The following ROBO1 variants were observed in gnomAD, a reference collection of about 807,000 sequenced individuals.
The protein encoded by ROBO1 is roundabout homolog 1.
In ROBO1, 149 loss-of-function variants were observed where a neutral mutation model predicts 195.9. The observed-to-expected ratio is 0.76, with a 90% CI of 0.67 to 0.87. The LOEUF (loss-of-function observed/expected upper bound fraction) is 0.87, where lower values mean the gene tolerates loss of function less well. Among genes scored for constraint, ROBO1 ranks in the 40% least tolerant of loss-of-function variants. The pLI, the probability that ROBO1 is intolerant of heterozygous loss-of-function variation, is 0.00. For missense variants in ROBO1, 1,933 were observed against 2,068.3 expected (o/e 0.93, Z 1.27); for synonymous variants, 816 against 733.2 (o/e 1.11, Z -1.82).
chr3:79,133,540 C>T lies in ROBO1; in HGVS notation c.89-8001G>A, dbSNP rs1306897318. Among the ~76,000 whole-genome samples, 258 of 70,532 alleles carry T rather than the reference C, an allele frequency of 3.7e-3. 2 individuals are homozygous for T. The highest frequency in any genetic ancestry group is 0.014 in the African/African-American group (245 of 17,242). The allele number at this position is 70,532 out of a possible 152,430, so 46.3% of individuals were successfully genotyped here. On this transcript the variant is annotated intron_variant, in intron 2 of 30. Transcript: ENST00000464233. The stretch of plus-strand genomic sequence containing the variant: ...GCCTTGGTTTTCAGCTCCATCAGCT[C>T]CTTTAAGCACTTCTCTGTATTGGTT...
chr3:79,403,197 C>CT, intron 2 of ROBO1, among the ~76,000 whole-genome samples: 1 of 151,860 alleles, frequency 6.6e-6, no homozygotes, highest in Non-Finnish European at 1.5e-5. Context: ...ATGCTAGTAA[C>CT]TTTTTGGATT....
At chr3:79,727,417 G>A (rs2107331668) in intron 1 of ROBO1, among the ~76,000 whole-genome samples, 1 of 152,142 alleles carries the variant, frequency 6.6e-6, no homozygotes, top group African/African-American at 2.4e-5. Flanking sequence ...CATAAACAAG[G>A]TTTTAATTTA....
intron 1 of ROBO1, among the ~76,000 whole-genome samples, chr3:79,758,788 G>A (rs56183635): frequency 0.17 from 26,215 of 152,050 alleles, 2,295 homozygotes; most frequent in East Asian, 0.25. Context: ...TAGGAAAGTA[G>A]CCTGGAGTCT....
chr3:79,606,525 G>A (rs368222962), intron 1 of ROBO1, among the ~76,000 whole-genome samples: 2 of 151,874 alleles, frequency 1.3e-5, no homozygotes, highest in Non-Finnish European at 2.9e-5. Flanking sequence ...TGATTCTCCT[G>A]CCTCAGCCTT....
intron 2 of ROBO1, among the ~76,000 whole-genome samples, chr3:79,484,335 C>T (rs1022910864): frequency 9.2e-5 from 14 of 152,038 alleles, no homozygotes; most frequent in East Asian, 3.9e-4. Flanking sequence ...CAGAACCCTG[C>T]GGAAAAATTC....
At chr3:79,515,370 T>C (rs1238448732) in intron 2 of ROBO1, among the ~76,000 whole-genome samples, 1 of 152,214 alleles carries the variant, frequency 6.6e-6, no homozygotes, top group Non-Finnish European at 1.5e-5. Flanking sequence ...TAGGCAGTAT[T>C]CCAGATAGAA....
intron 3 of ROBO1, among the ~76,000 whole-genome samples, chr3:79,044,273 T>C (rs1037593715): frequency 1.1e-4 from 17 of 152,184 alleles, no homozygotes; most frequent in Admixed American, 7.2e-4. Flanking sequence ...GTTTTAAAAA[T>C]GCTTAACTTT....
At chr3:79,039,944 T>C (rs1345596951) in intron 3 of ROBO1, among the ~76,000 whole-genome samples, 1 of 152,082 alleles carries the variant, frequency 6.6e-6, no homozygotes, top group Non-Finnish European at 1.5e-5. Flanking sequence ...TGGAATGAGA[T>C]ACTTAATACA....
At chr3:78,959,118 A>T (rs1183142374) in intron 3 of ROBO1, among the ~76,000 whole-genome samples, 1 of 152,072 alleles carries the variant, frequency 6.6e-6, no homozygotes, top group African/African-American at 2.4e-5. Context: ...TCTTCTTAAT[A>T]AGTCAAGTGG....
At chr3:79,524,392 A>G (rs996302718) in intron 2 of ROBO1, among the ~76,000 whole-genome samples, 2 of 152,114 alleles carry the variant, frequency 1.3e-5, no homozygotes, top group Non-Finnish European at 2.9e-5. Flanking sequence ...GCCTTAGATT[A>G]AGCATACCTA....
rs920949189 is a variant in ROBO1 at position 79,032,416 on chromosome 3, A to G, written c.172+93040T>C. On this transcript the variant is annotated intron_variant, in intron 3 of 30. Transcript: ENST00000464233. ...TTTAAAAATGAAAAATAATATAATAAATTTAACTTAATAAATTAAGTTTAG... is the reference window on the plus strand; with the variant it reads ...TTTAAAAATGAAAAATAATATAATAGATTTAACTTAATAAATTAAGTTTAG... Among the ~76,000 whole-genome samples the G allele has an allele frequency of 3.9e-5, 6 of 151,952 alleles. No homozygotes were observed. In the East Asian group the frequency reaches 9.6e-4, roughly 24 times the overall value.
intron 3 of ROBO1, among the ~76,000 whole-genome samples, chr3:79,109,168 A>C (rs1298646444): frequency 6.6e-6 from 1 of 151,408 alleles, no homozygotes; most frequent in African/African-American, 2.4e-5. Flanking sequence ...TTTTTTCTTT[A>C]GGTTTTATTT....
chr3:78,880,200 A>T (rs751719364), intron 4 of ROBO1, among the ~76,000 whole-genome samples: 33 of 152,154 alleles, frequency 2.2e-4, no homozygotes, highest in Non-Finnish European at 4.0e-4. Flanking sequence ...AAAACTTTAA[A>T]CTTTAAAGAC....
rs575706469 is a variant in ROBO1, at chr3:79,122,747, A to G, written c.172+2709T>C. ...TATACTGTTTTTAGTATTGAAAAAA[A>G]GGATAATTAGGGGAATGTAAATGGG... On this transcript the variant is annotated intron_variant, in intron 3 of 30. Transcript: ENST00000464233. 1.6e-3 allele frequency among the ~76,000 whole-genome samples: 243 copies of G among 152,098 alleles called. 2 individuals are homozygous for G. Among genetic ancestry groups the G allele is most frequent in the African/African-American group, 5.3e-3 (222 of 41,550 alleles).
chr3:79,319,239 T>C (rs2033872344), intron 2 of ROBO1, among the ~76,000 whole-genome samples: 1 of 152,208 alleles, frequency 6.6e-6, no homozygotes, highest in African/African-American at 2.4e-5. Flanking sequence ...TAGGCTCATG[T>C]AGCTAGTGGC....
At chr3:79,019,085 G>A (rs2078037604) in intron 3 of ROBO1, 2 of 989,972 alleles carry the variant, frequency 2.0e-6, no homozygotes, top group African/African-American at 1.7e-5. Context: ...CTGCCTGGGC[G>A]GGCCCTTGTT....
chr3:78,922,126 G>C (rs751409946), intron 4 of ROBO1, among the ~76,000 whole-genome samples: 3 of 152,092 alleles, frequency 2.0e-5, no homozygotes, highest in Non-Finnish European at 2.9e-5. Flanking sequence ...ACATGGTATT[G>C]AAGGCATGTA....
intron 3 of ROBO1, among the ~76,000 whole-genome samples, chr3:79,028,102 C>T (rs893477289): frequency 1.3e-5 from 2 of 151,872 alleles, no homozygotes; most frequent in Non-Finnish European, 2.9e-5. Context: ...TGGCTGATAG[C>T]CTTATATTCA....
intron 2 of ROBO1, among the ~76,000 whole-genome samples, chr3:79,511,580 A>G (rs1314951982): frequency 2.0e-5 from 3 of 152,164 alleles, no homozygotes; most frequent in African/African-American, 4.8e-5. Flanking sequence ...AAGTTTATTT[A>G]AGCTTCAATA....
Sources: gnomAD v4.1 joint callset for allele counts (sites outside exome capture counted in the v4.1 genomes callset) on GRCh38, gnomAD v4.1.1 for gene constraint, MANE v1.5 for transcripts, NCBI Gene and HGNC (gene_info 2026-07-23, HGNC 2026-07-21) for gene names.